Variants in FGF7 observed in about 807,000 individuals in gnomAD.
FGF7 encodes FGF-7.
Under a neutral mutation model 20.5 loss-of-function variants are expected in FGF7, and 6 were observed. The ratio of observed to expected loss-of-function variants is 0.29; its 90% CI spans 0.16 to 0.58. FGF7 has a LOEUF of 0.58. Among genes scored for constraint, FGF7 ranks in the 20% least tolerant of loss-of-function variants. FGF7 has a pLI of 0.90. For synonymous variants in FGF7, 64 were observed against 74.7 expected, an observed-to-expected ratio of 0.86 and a Z score of 0.74; for missense variants, 144 against 228.8, an observed-to-expected ratio of 0.63 and a Z score of 2.39.
At position 49,449,027 on chromosome 15, in the gene FGF7, T is replaced by C. The variant is rs1384708940; in HGVS notation, c.286+24444T>C. On this transcript the variant is annotated intron_variant, in intron 2 of 3. Transcript: ENST00000267843. ...ACTTTCATAGGAGAAATAACATTCT[T>C]TTCTGTCTGCACTCATCCCCTTGAT... 2.6e-5 allele frequency among the ~76,000 whole-genome samples: 4 copies of C among 152,076 alleles called. No homozygotes were observed. In the East Asian group the frequency reaches 7.8e-4, roughly 30 times the overall value.
At chr15:49,437,464 G>C (rs2051210975) in intron 2 of FGF7, among the ~76,000 whole-genome samples, 1 of 151,536 alleles carries the variant, frequency 6.6e-6, no homozygotes, top group Non-Finnish European at 1.5e-5. Context: ...AAAAGAAAGG[G>C]AATAAAAATG....
At chr15:49,432,644 TA>T (rs1362512064) in intron 2 of FGF7, among the ~76,000 whole-genome samples, 1 of 151,566 alleles carries the variant, frequency 6.6e-6, no homozygotes, top group Non-Finnish European at 1.5e-5. Flanking sequence ...TTGAATCAAA[TA>T]AAAAAACTAT....
At chr15:49,431,359 G>A (rs756749271) in intron 2 of FGF7, among the ~76,000 whole-genome samples, 3 of 151,730 alleles carry the variant, frequency 2.0e-5, no homozygotes, top group Non-Finnish European at 2.9e-5. Context: ...TAGAGAAGTC[G>A]TGTCAAATTC....
chr15:49,424,200 A>G lies in FGF7; in HGVS notation c.-98A>G, dbSNP rs1392335592. ...CTACTCTTTCTTAAATCAATCTACA[A>G]TTCACAGATAGGAAGAGGTCAATGA... On this transcript the variant is annotated 5_prime_UTR_variant, in exon 2 of 4. Transcript: ENST00000267843. The G allele has an allele frequency of 3.7e-6, 4 of 1,091,530 alleles. No individual in the cohort carries two copies. Among genetic ancestry groups the G allele is most frequent in the African/African-American group, 1.6e-5 (1 of 64,078 alleles). 67.6% of individuals were successfully genotyped at this position (1,091,530 alleles called of 1,614,324 possible). A position where few individuals can be genotyped will look rare whatever the true frequency, so the allele number is the denominator to read the frequency against.
rs2056384096 is a variant in FGF7 at position 49,486,117 on chromosome 15, T to C, written c.*1613T>C. 1 of 152,070 alleles carries C rather than the reference T, an allele frequency of 6.6e-6. No homozygotes were observed. Among genetic ancestry groups the C allele is most frequent in the Admixed American group, 6.6e-5 (1 of 15,230 alleles). The allele number at this position is 152,070 out of a possible 1,614,324, so 9.4% of individuals were successfully genotyped here. On this transcript the variant is annotated 3_prime_UTR_variant, in exon 4 of 4. Transcript: ENST00000267843. ...CAATATTTATCTAATTTAAAAGGTA[T>C]GCTAACCACTGTGGTTTTAATTTCA... is the stretch of plus-strand genomic sequence containing the variant.
chr15:49,431,589 A>C (rs1323467647), intron 2 of FGF7, among the ~76,000 whole-genome samples: 2 of 151,672 alleles, frequency 1.3e-5, no homozygotes, highest in Admixed American at 6.6e-5. Flanking sequence ...CCAGTTGCTT[A>C]ACTTCCCTCC....
At chr15:49,468,423 T>G (rs1567335391) in intron 2 of FGF7, among the ~76,000 whole-genome samples, 1 of 152,202 alleles carries the variant, frequency 6.6e-6, no homozygotes, top group Non-Finnish European at 1.5e-5. Flanking sequence ...CAGGCTTCAA[T>G]TAGTTTTCTA....
chr15:49,442,339 C>T (rs1486263342), intron 2 of FGF7, among the ~76,000 whole-genome samples: 1 of 151,678 alleles, frequency 6.6e-6, no homozygotes, highest in African/African-American at 2.4e-5. Context: ...TAAGTCTCAA[C>T]TCTCCACGAA....
intron 2 of FGF7, 32 bp downstream of exon 2, chr15:49,424,615 T>G: frequency 6.8e-7 from 1 of 1,479,728 alleles, no homozygotes; most frequent in East Asian, 2.3e-5. Context: ...TCATGAACCT[T>G]AGCAATCTGT....
At chr15:49,442,737 C>T (rs935019106) in intron 2 of FGF7, among the ~76,000 whole-genome samples, 6 of 151,702 alleles carry the variant, frequency 4.0e-5, no homozygotes, top group Non-Finnish European at 7.4e-5. Flanking sequence ...ACAGAAAAAG[C>T]TCAGTTCTAA....
intron 2 of FGF7, among the ~76,000 whole-genome samples, chr15:49,437,959 A>C (rs2899435): frequency 0.89 from 134,322 of 151,342 alleles, 61,514 homozygotes; most frequent in Non-Finnish European, 0.99. Context: ...CTCAAAGAGC[A>C]GGTGGGAGTG....
At chr15:49,454,120 A>T (rs1309578811) in intron 2 of FGF7, among the ~76,000 whole-genome samples, 1 of 152,210 alleles carries the variant, frequency 6.6e-6, no homozygotes, top group Non-Finnish European at 1.5e-5. Flanking sequence ...ATTAATGTAC[A>T]ACATAGATGG....
Position 49,437,028 on chromosome 15 carries a change from T to C in FGF7, c.286+12445T>C, listed in dbSNP as rs572719109. ...ACCTTCAGTTTATTTTGCTTACACA[T>C]TGCTAAGATGCTACAAAATTTAACT... On this transcript the variant is annotated intron_variant, in intron 2 of 3. Coordinates refer to ENST00000267843, the MANE Select transcript of FGF7 (RefSeq NM_002009.4). Among the ~76,000 whole-genome samples, 14 of 151,712 alleles carry C rather than the reference T, an allele frequency of 9.2e-5. 1 individual carries two copies. The South Asian group carries it at 2.5e-3, about 27-fold the overall frequency.
At chr15:49,480,679 C>T (rs922302859) in intron 2 of FGF7, among the ~76,000 whole-genome samples, 12 of 151,990 alleles carry the variant, frequency 7.9e-5, no homozygotes, top group African/African-American at 2.2e-4. Context: ...AACGGGGTTT[C>T]GCCATGTTGG....
intron 2 of FGF7, among the ~76,000 whole-genome samples, chr15:49,458,984 A>G (rs2053557776): frequency 6.6e-6 from 1 of 152,166 alleles, no homozygotes. Flanking sequence ...CAATAAAGCA[A>G]TTCGTTTGAT....
intron 2 of FGF7, among the ~76,000 whole-genome samples, chr15:49,428,747 ACTC>A (rs2050340651): frequency 6.6e-6 from 1 of 151,850 alleles, no homozygotes; most frequent in South Asian, 2.1e-4. Context: ...AATATCATCT[ACTC>A]CTTTTAAGAA....
intron 2 of FGF7, among the ~76,000 whole-genome samples, chr15:49,464,506 A>G (rs1196500264): frequency 6.6e-6 from 1 of 152,194 alleles, no homozygotes; most frequent in Admixed American, 6.5e-5. Context: ...TAATGATGAT[A>G]AAATGCTGGA....
chr15:49,432,379 T>C (rs1250657366), intron 2 of FGF7, among the ~76,000 whole-genome samples: 1 of 151,632 alleles, frequency 6.6e-6, no homozygotes, highest in African/African-American at 2.4e-5. Context: ...TAAATAAAAT[T>C]GAACAATTTT....
chr15:49,434,286 C>T (rs1597160905), intron 2 of FGF7: 1 of 148,334 alleles, frequency 6.7e-6, no homozygotes, highest in African/African-American at 2.5e-5. Context: ...AGGTTAATGA[C>T]TTTTTTTTTT....
Sources: gnomAD v4.1 joint callset for allele counts (sites outside exome capture counted in the v4.1 genomes callset) on GRCh38, gnomAD v4.1.1 for gene constraint, MANE v1.5 for transcripts, NCBI Gene and HGNC (gene_info 2026-07-23, HGNC 2026-07-21) for gene names.